The following OTOGL variants were observed in gnomAD, a reference collection of about 807,000 sequenced individuals.
The protein encoded by OTOGL is otogelin like.
A neutral mutation model predicts 318.5 loss-of-function variants in OTOGL; 285 were observed. The ratio of observed to expected loss-of-function variants is 0.89; its 90% CI spans 0.81 to 0.99. The LOEUF (loss-of-function observed/expected upper bound fraction) is 0.99. Ranked by LOEUF, OTOGL falls within the 50% of genes least tolerant of loss-of-function variation. The probability of loss-of-function intolerance (pLI) is 0.00; values close to 1 mark genes in which losing one functional copy is unlikely to be tolerated. For synonymous variants in OTOGL, 987 were observed against 936.5 expected, an observed-to-expected ratio of 1.05 and a Z score of -0.99; for missense variants, 2,899 against 2,845.6, an observed-to-expected ratio of 1.02 and a Z score of -0.43.
Position 80,217,268 on chromosome 12 carries a change from G to C in OTOGL, c.169-330G>C, listed in dbSNP as rs573874551. On this transcript the variant is annotated intron_variant, in intron 4 of 58. Coordinates refer to ENST00000547103, the MANE Select transcript of OTOGL (RefSeq NM_001378609.3). ...CTTTCATGAGGTTGCGAGGTGGGTG[G>C]AGGGATCGGGGGCTGGGGGGAAGAC... 8.2e-4 allele frequency among the ~76,000 whole-genome samples: 125 copies of C among 152,006 alleles called. 2 individuals are homozygous for C. Among genetic ancestry groups the C allele is most frequent in the African/African-American group, 2.9e-3 (119 of 41,480 alleles).
Position 80,183,215 on chromosome 12 carries a change from T to C in OTOGL, c.-19-26198T>C, listed in dbSNP as rs554668237. On this transcript the variant is annotated intron_variant, in intron 1 of 58. Coordinates refer to ENST00000547103, the MANE Select transcript of OTOGL (RefSeq NM_001378609.3). Reference sequence around the variant, plus strand: ...TAGGTAATTACTGCAATAGCTTAGATTGGAGATGACAGTCCTACTGAGGTA... The same window carrying C: ...TAGGTAATTACTGCAATAGCTTAGACTGGAGATGACAGTCCTACTGAGGTA... 3.3e-5 allele frequency among the ~76,000 whole-genome samples: 5 copies of C among 152,326 alleles called. 1 individual carries two copies. Among genetic ancestry groups the C allele is most frequent in the African/African-American group, 9.6e-5 (4 of 41,582 alleles).
At chr12:80,287,789 G>C (rs1003213197) in intron 26 of OTOGL, among the ~76,000 whole-genome samples, 1 of 151,866 alleles carries the variant, frequency 6.6e-6, no homozygotes, top group Non-Finnish European at 1.5e-5. Context: ...GCCTATGTGT[G>C]TCTTTACACA....
At chr12:80,243,766 T>TAA (rs1880589642) in intron 11 of OTOGL, among the ~76,000 whole-genome samples, 1 of 148,864 alleles carries the variant, frequency 6.7e-6, no homozygotes, top group South Asian at 2.1e-4. Flanking sequence ...ATTATATATA[T>TAA]AACAAATATA....
Position 80,333,081 on chromosome 12 carries a change from A to G in OTOGL, c.4422+3A>G, listed in dbSNP as rs138009479. On this transcript the variant is annotated splice_donor_region_variant and intron_variant, in intron 38 of 58. Transcript: ENST00000547103. ...CAACTACAGGCTTGGAATGTGAGGTATGACTGAGCAATATCTTCCAGCTCT... is the reference window on the plus strand; with the variant it reads ...CAACTACAGGCTTGGAATGTGAGGTGTGACTGAGCAATATCTTCCAGCTCT... The G allele has an allele frequency of 4.4e-6, 7 of 1,581,998 alleles. No homozygotes were observed. The highest frequency in any genetic ancestry group is 2.3e-5 in the East Asian group (1 of 44,362).
At chr12:80,280,932 G>A (rs973812499) in intron 26 of OTOGL, among the ~76,000 whole-genome samples, 1 of 151,580 alleles carries the variant, frequency 6.6e-6, no homozygotes, top group Non-Finnish European at 1.5e-5. Flanking sequence ...TGTATACCTA[G>A]GTATTTTTTT....
chr12:80,225,261 C>T (rs1217460721), intron 7 of OTOGL, among the ~76,000 whole-genome samples: 2 of 151,812 alleles, frequency 1.3e-5, no homozygotes, highest in East Asian at 1.9e-4. Context: ...CTTGTTTTCT[C>T]ACTTGAATAC....
chr12:80,343,590 A>T (rs1209955292), intron 44 of OTOGL: 1 of 119,284 alleles, frequency 8.4e-6, no homozygotes, highest in African/African-American at 3.3e-5. Flanking sequence ...CTAGCAGGGG[A>T]GTGCTGCTAC....
chr12:80,184,725 G>A (rs1323471774), intron 1 of OTOGL, among the ~76,000 whole-genome samples: 2 of 152,098 alleles, frequency 1.3e-5, no homozygotes, highest in East Asian at 3.8e-4. Context: ...CCACTGAATC[G>A]GTGTTGAGGA....
chr12:80,151,577 G>A (rs1872785269), intron 1 of OTOGL, among the ~76,000 whole-genome samples: 1 of 152,162 alleles, frequency 6.6e-6, no homozygotes, highest in Non-Finnish European at 1.5e-5. Flanking sequence ...AAGGATCTGT[G>A]GGAATAGGGT....
At chr12:80,288,659 A>T (rs1199989872) in intron 26 of OTOGL, among the ~76,000 whole-genome samples, 1 of 151,578 alleles carries the variant, frequency 6.6e-6, no homozygotes, top group Non-Finnish European at 1.5e-5. Flanking sequence ...TCAGTCTCTG[A>T]TATCCTTTCT....
At chr12:80,145,201 A>C (rs540461521) in intron 1 of OTOGL, among the ~76,000 whole-genome samples, 5 of 150,790 alleles carry the variant, frequency 3.3e-5, no homozygotes. Flanking sequence ...TCTAACGTTT[A>C]AGTCTTTAAT....
intron 1 of OTOGL, among the ~76,000 whole-genome samples, chr12:80,127,400 C>T (rs1041425222): frequency 6.6e-6 from 1 of 152,236 alleles, no homozygotes; most frequent in Admixed American, 6.5e-5. Context: ...AGAGTTTCTG[C>T]CGAGAGATCC....
intron 32 of OTOGL, among the ~76,000 whole-genome samples, chr12:80,317,447 T>C (rs888591713): frequency 1.3e-5 from 2 of 152,088 alleles, no homozygotes; most frequent in African/African-American, 4.8e-5. Flanking sequence ...GGTTGCTGTA[T>C]TAAGGGGTGT....
intron 19 of OTOGL, among the ~76,000 whole-genome samples, chr12:80,264,356 T>C (rs1366051929): frequency 1.3e-5 from 2 of 152,196 alleles, no homozygotes; most frequent in Non-Finnish European, 2.9e-5. Flanking sequence ...GGTGATTTTA[T>C]AGTTACATCT....
At chr12:80,303,356 C>T (rs893161409) in intron 28 of OTOGL, among the ~76,000 whole-genome samples, 2 of 152,108 alleles carry the variant, frequency 1.3e-5, no homozygotes, top group African/African-American at 2.4e-5. Context: ...CAGGTTTCAC[C>T]GTGTTAGCCA....
At position 80,342,120 on chromosome 12, in the gene OTOGL, T is replaced by G; in HGVS notation, c.5223T>G (p.Ile1741Met). 6.3e-7 allele frequency: 1 copy of G among 1,597,922 alleles called. No homozygotes were observed. Among genetic ancestry groups the G allele is most frequent in the South Asian group, 1.1e-5 (1 of 88,214 alleles). Residue 1741 changes from isoleucine to methionine, a missense_variant, in exon 44 of 59, where the codon ATT becomes ATG. Coordinates refer to ENST00000547103, the MANE Select transcript of OTOGL (RefSeq NM_001378609.3). ...CTGAGCATGATTGCAGCCAGTGCAT[T>G]GATTTATTAAATAGAAGAATTTTCA... ...NCTEHDCSQC[I>M]DLLNRRIFIP...
intron 1 of OTOGL, among the ~76,000 whole-genome samples, chr12:80,105,159 A>C (rs1384342031): frequency 6.6e-6 from 1 of 152,216 alleles, no homozygotes; most frequent in Non-Finnish European, 1.5e-5. Flanking sequence ...AGAAAAAAAA[A>C]CATGACTAAA....
At chr12:80,303,796 C>G (rs962988739) in intron 28 of OTOGL, among the ~76,000 whole-genome samples, 11 of 152,158 alleles carry the variant, frequency 7.2e-5, no homozygotes, top group African/African-American at 2.7e-4. Context: ...GAAACCACCC[C>G]CATGATCCAA....
intron 1 of OTOGL, among the ~76,000 whole-genome samples, chr12:80,180,720 T>A (rs1874862047): frequency 6.6e-6 from 1 of 151,862 alleles, no homozygotes; most frequent in Non-Finnish European, 1.5e-5. Context: ...GCCAATAATG[T>A]TTTTTTTGCC....
Sources: gnomAD v4.1 joint callset for allele counts (sites outside exome capture counted in the v4.1 genomes callset) on GRCh38, gnomAD v4.1.1 for gene constraint, MANE v1.5 for transcripts, NCBI Gene and HGNC (gene_info 2026-07-23, HGNC 2026-07-21) for gene names.